Variants in NTRK2 observed in about 807,000 individuals in gnomAD.
The protein encoded by NTRK2 is BDNF/NT-3 growth factors receptor.
A neutral mutation model predicts 94.5 loss-of-function variants in NTRK2; 13 were observed. That is an observed-to-expected ratio of 0.14 (90% CI 0.09 to 0.22). The LOEUF is 0.22. Among genes scored for constraint, NTRK2 ranks in the 10% least tolerant of loss-of-function variants. The probability of loss-of-function intolerance (pLI) is 1.00; values close to 1 mark genes in which losing one functional copy is unlikely to be tolerated. For synonymous variants in NTRK2, 372 were observed against 407.4 expected, an observed-to-expected ratio of 0.91 and a Z score of 1.05; for missense variants, 639 against 1,071.2, an observed-to-expected ratio of 0.60 and a Z score of 5.63.
Position 84,697,874 on chromosome 9 carries a change from C to G in NTRK2, c.213-4285C>G, listed in dbSNP as rs2060483129. On this transcript the variant is annotated intron_variant, in intron 2 of 18. Transcript: ENST00000277120. ...CTGAGAAACCCTGGGGTCTGGCTTT[C>G]CTGCAGTTATTTCCTTTGTATGGTT... Among the ~76,000 whole-genome samples, 3 of 152,232 alleles carry G rather than the reference C, an allele frequency of 2.0e-5. No homozygotes were observed. The South Asian group carries it at 6.2e-4, about 32-fold the overall frequency.
intron 12 of NTRK2, chr9:84,810,568 C>A: frequency 3.7e-6 from 6 of 1,613,914 alleles, no homozygotes; most frequent in Non-Finnish European, 5.1e-6. Context: ...TAAGATCCCA[C>A]TGGATGGGTA....
chr9:84,800,951 T>C (rs776905887), intron 12 of NTRK2, among the ~76,000 whole-genome samples: 6 of 152,186 alleles, frequency 3.9e-5, no homozygotes, highest in Non-Finnish European at 7.4e-5. Context: ...TGAGCAAAGT[T>C]CCTTTCCATG....
chr9:84,867,524 G>A, intron 14 of NTRK2, 93 bp downstream of exon 14: 1 of 1,064,722 alleles, frequency 9.4e-7, no homozygotes. Context: ...ATGACTGGCG[G>A]GGAACAGGGT....
chr9:84,992,631 C>G (rs1051591192), intron 17 of NTRK2, among the ~76,000 whole-genome samples: 91 of 152,294 alleles, frequency 6.0e-4, no homozygotes, highest in African/African-American at 2.1e-3. Flanking sequence ...CTGCCTCTCT[C>G]TTTCCACTCC....
intron 11 of NTRK2, among the ~76,000 whole-genome samples, chr9:84,750,974 C>T (rs377604787): frequency 1.8e-4 from 28 of 152,196 alleles, no homozygotes; most frequent in Non-Finnish European, 2.6e-4. Context: ...TACATCTACC[C>T]TCTTGACTTG....
rs200405489 is a variant in NTRK2 at position 84,750,202 on chromosome 9, A to G, written c.1297-1784A>G. On this transcript the variant is annotated intron_variant, in intron 11 of 18. Transcript: ENST00000277120. Reference sequence around the variant, plus strand: ...TGGCCTCTACCCACTAGGTGCTAGTAGTACTTTCCCCCTCGTTGTGACAAC... The same window carrying G: ...TGGCCTCTACCCACTAGGTGCTAGTGGTACTTTCCCCCTCGTTGTGACAAC... Among the ~76,000 whole-genome samples the G allele has an allele frequency of 1.8e-4, 27 of 151,576 alleles. No individual in the cohort carries two copies. In the East Asian group the frequency reaches 5.2e-3, roughly 29 times the overall value.
chr9:84,765,496 G>A (rs533691500), intron 12 of NTRK2, among the ~76,000 whole-genome samples: 1 of 152,296 alleles, frequency 6.6e-6, no homozygotes, highest in South Asian at 2.1e-4. Flanking sequence ...TATAGATGAG[G>A]ATGGTGGGCC....
Position 84,701,010 on chromosome 9 carries a change from A to G in NTRK2, c.213-1149A>G, listed in dbSNP as rs12685663. Reference sequence around the variant, plus strand: ...TGATGCATATTAAGAATTATAAAACAGATCTAGCTATCTCAAAGACATTGT... The same window carrying G: ...TGATGCATATTAAGAATTATAAAACGGATCTAGCTATCTCAAAGACATTGT... On this transcript the variant is annotated intron_variant, in intron 2 of 18. Coordinates refer to ENST00000277120, the MANE Select transcript of NTRK2 (RefSeq NM_006180.6). Among the ~76,000 whole-genome samples the G allele has an allele frequency of 8.7e-3, 1,328 of 152,332 alleles. 25 individuals are homozygous for G. The highest frequency in any genetic ancestry group is 0.066 in the East Asian group (340 of 5,180).
intron 8 of NTRK2, among the ~76,000 whole-genome samples, chr9:84,726,020 T>C (rs1288520789): frequency 6.6e-6 from 1 of 152,190 alleles, no homozygotes; most frequent in African/African-American, 2.4e-5. Context: ...TGGGAGGATT[T>C]ACCTGAATAC....
At chr9:84,791,754 T>C (rs2068758733) in intron 12 of NTRK2, among the ~76,000 whole-genome samples, 1 of 152,216 alleles carries the variant, frequency 6.6e-6, no homozygotes, top group Non-Finnish European at 1.5e-5. Context: ...CCCTAGAGAT[T>C]AGAATCTCAT....
chr9:84,995,462 C>T (rs1053622649), intron 17 of NTRK2, among the ~76,000 whole-genome samples: 2 of 151,972 alleles, frequency 1.3e-5, no homozygotes, highest in African/African-American at 4.8e-5. Flanking sequence ...TCCCAGTTGC[C>T]CAAATGAATA....
chr9:85,010,772 G>C (rs1048220903), intron 17 of NTRK2, among the ~76,000 whole-genome samples: 2 of 152,184 alleles, frequency 1.3e-5, no homozygotes, highest in African/African-American at 4.8e-5. Flanking sequence ...TGTGATTAAA[G>C]CTTAATGCTG....
At chr9:84,902,192 T>C (rs928565354) in intron 14 of NTRK2, among the ~76,000 whole-genome samples, 4 of 147,476 alleles carry the variant, frequency 2.7e-5, no homozygotes, top group African/African-American at 7.6e-5. Context: ...TGAGATTCTG[T>C]CTAAAAAAAA....
intron 17 of NTRK2, among the ~76,000 whole-genome samples, chr9:84,957,862 T>G (rs1229658093): frequency 6.6e-6 from 1 of 152,234 alleles, no homozygotes; most frequent in East Asian, 1.9e-4. Flanking sequence ...AACTGATTAA[T>G]GAATAAACAA....
intron 14 of NTRK2, among the ~76,000 whole-genome samples, chr9:84,902,217 A>T (rs902931070): frequency 6.2e-5 from 9 of 144,660 alleles, no homozygotes; most frequent in Admixed American, 2.1e-4. Context: ...ATTAAAAATT[A>T]AAAAAAAAAA....
At chr9:84,933,544 C>T (rs1021688877) in intron 14 of NTRK2, among the ~76,000 whole-genome samples, 3 of 152,158 alleles carry the variant, frequency 2.0e-5, no homozygotes, top group South Asian at 2.1e-4. Context: ...TTTTAAAACA[C>T]GGCTAAGGAA....
intron 14 of NTRK2, among the ~76,000 whole-genome samples, chr9:84,882,157 G>C (rs1415863493): frequency 6.6e-6 from 1 of 151,836 alleles, no homozygotes; most frequent in East Asian, 1.9e-4. Flanking sequence ...CCGTCTCTCT[G>C]TCTAGCCATC....
rs200160182 is a variant in NTRK2 at position 84,727,778 on chromosome 9, G to A, written c.978G>A (p.Glu326=). ...QWFYNGAILN[E]SKYICTKIHV... ...TCTATAACGGGGCAATATTGAATGA[G>A]TCCAAATACATCTGTACTAAAATAC... The change falls in exon 9 of 19, where the codon GAG becomes GAA. Residue 326 remains glutamate, a synonymous_variant. Transcript: ENST00000277120. 5 of 1,614,204 alleles carry A rather than the reference G, an allele frequency of 3.1e-6. No homozygotes were observed. The highest frequency in any genetic ancestry group is 4.2e-6 in the Non-Finnish European group (5 of 1,180,044).
chr9:84,719,033 A>T (rs13293356), intron 6 of NTRK2, among the ~76,000 whole-genome samples: 3,926 of 152,168 alleles, frequency 0.026, 75 homozygotes, highest in Admixed American at 0.047. Context: ...AAGGAGACTC[A>T]CTCTTCTACA....
Sources: gnomAD v4.1 joint callset for allele counts (sites outside exome capture counted in the v4.1 genomes callset) on GRCh38, gnomAD v4.1.1 for gene constraint, MANE v1.5 for transcripts, NCBI Gene and HGNC (gene_info 2026-07-23, HGNC 2026-07-21) for gene names.